ITGA9: variants seen among roughly 807,000 people sequenced by gnomAD.
The protein encoded by ITGA9 is integrin subunit alpha 9.
A neutral mutation model predicts 127.8 loss-of-function variants in ITGA9; 56 were observed. The ratio of observed to expected loss-of-function variants is 0.44; its 90% CI spans 0.35 to 0.55. ITGA9 has a LOEUF of 0.55. Ranked by LOEUF, ITGA9 falls within the 20% of genes least tolerant of loss-of-function variation. The pLI is 0.00. For missense variants in ITGA9, 1,196 were observed against 1,347.1 expected (o/e 0.89, Z 1.76); for synonymous variants, 508 against 514.5 (o/e 0.99, Z 0.17).
intron 16 of ITGA9, among the ~76,000 whole-genome samples, chr3:37,652,359 A>T (rs1384136500): frequency 6.6e-6 from 1 of 152,178 alleles, no homozygotes; most frequent in African/African-American, 2.4e-5. Context: ...ATGGCAAAGA[A>T]AGAGCAAATA....
Position 37,662,925 on chromosome 3 carries a change from T to C in ITGA9, c.1916+9135T>C, listed in dbSNP as rs182606030. Reference sequence around the variant, plus strand: ...CAGAGGGAAGGACATCTGGGAGTGATTGTGTCACCCAGAGTGGCCAGAGAT... The same window carrying C: ...CAGAGGGAAGGACATCTGGGAGTGACTGTGTCACCCAGAGTGGCCAGAGAT... On this transcript the variant is annotated intron_variant, in intron 17 of 27. Transcript: ENST00000264741. Among the ~76,000 whole-genome samples the C allele has an allele frequency of 2.0e-5, 3 of 152,276 alleles. No homozygotes were observed. The East Asian group carries it at 5.8e-4, about 29-fold the overall frequency.
intron 26 of ITGA9, among the ~76,000 whole-genome samples, chr3:37,794,407 A>G (rs1358659659): frequency 1.3e-5 from 2 of 152,176 alleles, no homozygotes; most frequent in Non-Finnish European, 2.9e-5. Flanking sequence ...TAGACAGCTG[A>G]CCCTCTGTCT....
intron 15 of ITGA9, among the ~76,000 whole-genome samples, chr3:37,574,690 C>T (rs1466674913): frequency 2.0e-5 from 3 of 152,168 alleles, no homozygotes; most frequent in African/African-American, 7.2e-5. Flanking sequence ...AGCCATTTCC[C>T]GTCAGAGTGG....
chr3:37,602,213 G>A (rs1374427271), intron 15 of ITGA9, among the ~76,000 whole-genome samples: 1 of 148,240 alleles, frequency 6.7e-6, no homozygotes. Flanking sequence ...AATCAAAATT[G>A]ATGGCTTTAT....
intron 15 of ITGA9, among the ~76,000 whole-genome samples, chr3:37,618,657 G>A (rs1019931187): frequency 2.0e-5 from 3 of 152,300 alleles, no homozygotes; most frequent in East Asian, 1.9e-4. Flanking sequence ...AAGCCTTGGC[G>A]ATGGTGGGCG....
chr3:37,785,491 G>A (rs2125554140), intron 26 of ITGA9, among the ~76,000 whole-genome samples: 1 of 152,118 alleles, frequency 6.6e-6, no homozygotes, highest in Admixed American at 6.5e-5. Flanking sequence ...GGTTTGGTTT[G>A]GTTTTTAAGA....
chr3:37,803,002 G>T (rs1323152147), intron 26 of ITGA9, among the ~76,000 whole-genome samples: 1 of 152,172 alleles, frequency 6.6e-6, no homozygotes, highest in African/African-American at 2.4e-5. Context: ...CAATGTGCTA[G>T]GCCCTACCAT....
rs1468176575 is a variant in ITGA9 at position 37,814,132 on chromosome 3, T to G, written c.3010-4759T>G. ...AGTGTGAGTCCTGAGTACCCAGCTG[T>G]GTGGCCCACAGTCTAGAGCCTTGAA... On this transcript the variant is annotated intron_variant, in intron 27 of 27. Coordinates refer to ENST00000264741, the MANE Select transcript of ITGA9 (RefSeq NM_002207.3). This position sits in a 1 kb window ranked among gnomAD's most constrained non-coding sequence, Gnocchi z 4.3. Among the ~76,000 whole-genome samples, 1 of 152,172 alleles carries G rather than the reference T, an allele frequency of 6.6e-6. No homozygotes were observed. Among genetic ancestry groups the G allele is most frequent in the Non-Finnish European group, 1.5e-5 (1 of 68,034 alleles).
rs145998881 is a variant in ITGA9 at position 37,768,567 on chromosome 3, C to T, written c.2542-8825C>T. 3.7e-3 allele frequency among the ~76,000 whole-genome samples: 565 copies of T among 152,114 alleles called. 8 individuals carry two copies. Among genetic ancestry groups the T allele is most frequent in the African/African-American group, 0.013 (538 of 41,472 alleles). On this transcript the variant is annotated intron_variant, in intron 23 of 27. Coordinates refer to ENST00000264741, the MANE Select transcript of ITGA9 (RefSeq NM_002207.3). ...GAGCGTGTGACTTCAGAGAAGCAGGCGATAAGTCAGGGGGTGGGTCATGTT... is the reference window on the plus strand; with the variant it reads ...GAGCGTGTGACTTCAGAGAAGCAGGTGATAAGTCAGGGGGTGGGTCATGTT...
At chr3:37,555,288 A>G (rs573317836) in intron 15 of ITGA9, among the ~76,000 whole-genome samples, 41 of 152,362 alleles carry the variant, frequency 2.7e-4, no homozygotes, top group Admixed American at 2.4e-3. Flanking sequence ...CATCTTATAA[A>G]TCCTATCACT....
In ITGA9 at chr3:37,811,717, C is replaced by T. The variant is rs142051908; in HGVS notation, c.3010-7174C>T. Among the ~76,000 whole-genome samples, 1,175 of 152,288 alleles carry T rather than the reference C, an allele frequency of 7.7e-3. 19 individuals are homozygous for T. The highest frequency in any genetic ancestry group is 0.026 in the African/African-American group (1,100 of 41,552). ...TCTCCCATTTGACCCTTTTGCAAAC[C>T]GAGATGGTTTGGAGCAAAGGGAAGT... is the stretch of plus-strand genomic sequence containing the variant. On this transcript the variant is annotated intron_variant, in intron 27 of 27. Transcript: ENST00000264741.
At chr3:37,505,884 A>C (rs779988744) in intron 6 of ITGA9, 116 bp from the exon 7 acceptor site, 2 of 779,218 alleles carry the variant, frequency 2.6e-6, no homozygotes, top group Non-Finnish European at 2.2e-6. Flanking sequence ...TTTTCCTGGT[A>C]GTTTATGTTC....
intron 26 of ITGA9, among the ~76,000 whole-genome samples, chr3:37,793,787 G>T (rs1232334875): frequency 6.6e-6 from 1 of 152,220 alleles, no homozygotes; most frequent in East Asian, 1.9e-4. Context: ...CCTCGGAGTT[G>T]GTCCTGCCTG....
intron 17 of ITGA9, among the ~76,000 whole-genome samples, chr3:37,659,129 C>T (rs139545584): frequency 2.5e-3 from 379 of 152,246 alleles, no homozygotes; most frequent in African/African-American, 8.4e-3. Flanking sequence ...TCATTTCAAC[C>T]TTGGTGAATC....
intron 15 of ITGA9, among the ~76,000 whole-genome samples, chr3:37,607,268 TC>T (rs1036953895): frequency 2.1e-4 from 32 of 152,094 alleles, no homozygotes; most frequent in African/African-American, 7.7e-4. Flanking sequence ...AGCTAATACA[TC>T]CATCATCCTA....
chr3:37,626,368 C>CG (rs1700176004), intron 15 of ITGA9, among the ~76,000 whole-genome samples: 1 of 152,110 alleles, frequency 6.6e-6, no homozygotes, highest in African/African-American at 2.4e-5. Context: ...GTCTATAAAA[C>CG]GGGGGGCAAT....
intron 27 of ITGA9, chr3:37,808,789 C>T (rs1411321585): frequency 6.6e-6 from 1 of 152,206 alleles, no homozygotes; most frequent in Non-Finnish European, 1.5e-5. Context: ...AGGCTGGATT[C>T]AGTCAAGTCC....
At chr3:37,539,040 T>A (rs987084072) in intron 14 of ITGA9, among the ~76,000 whole-genome samples, 4 of 152,240 alleles carry the variant, frequency 2.6e-5, no homozygotes, top group African/African-American at 9.6e-5. Context: ...AGTTGCCTTG[T>A]CCTCAGCTCA....
At chr3:37,812,764 G>A (rs893229014) in intron 27 of ITGA9, among the ~76,000 whole-genome samples, 3 of 152,232 alleles carry the variant, frequency 2.0e-5, no homozygotes, top group Non-Finnish European at 2.9e-5. Flanking sequence ...GCTACAGATA[G>A]AACAGTTAAC....
Sources: allele counts gnomAD v4.1 joint callset (sites outside exome capture counted in the v4.1 genomes callset), GRCh38; gene constraint gnomAD v4.1.1; non-coding constraint Gnocchi (gnomAD v3.1); transcripts MANE v1.5; gene names NCBI Gene and HGNC (gene_info 2026-07-23, HGNC 2026-07-21).